The following NRXN3 variants were observed in gnomAD, a reference collection of about 807,000 sequenced individuals.
NRXN3 encodes the protein neurexin 3.
In NRXN3, 32 loss-of-function variants were observed where a neutral mutation model predicts 137.6. The observed-to-expected ratio is 0.23, with a 90% confidence interval of 0.18 to 0.31. The LOEUF (loss-of-function observed/expected upper bound fraction) is 0.31, where lower values mean the gene tolerates loss of function less well. Ranked by LOEUF, NRXN3 falls within the 10% of genes least tolerant of loss-of-function variation. The pLI, the probability that NRXN3 is intolerant of heterozygous loss-of-function variation, is 1.00. For missense variants in NRXN3, 1,574 were observed against 2,062.5 expected (o/e 0.76, Z 4.59); for synonymous variants, 798 against 784.5 (o/e 1.02, Z -0.29).
In NRXN3 at chr14:79,230,439, A is replaced by G. The variant is rs918332768; in HGVS notation, c.3263-236782A>G. Among the ~76,000 whole-genome samples the G allele has an allele frequency of 3.3e-5, 5 of 152,174 alleles. 1 individual carries two copies. Among genetic ancestry groups the G allele is most frequent in the African/African-American group, 9.6e-5 (4 of 41,454 alleles). ...ACTGAAGATTCCTCAAGAATGTTGA[A>G]GCAATAGTCATTATGTTTACTACAG... On this transcript the variant is annotated intron_variant, in intron 15 of 20. Transcript: ENST00000335750.
intron 8 of NRXN3, among the ~76,000 whole-genome samples, chr14:78,720,553 C>T (rs917850126): frequency 1.3e-5 from 2 of 152,076 alleles, no homozygotes; most frequent in Non-Finnish European, 2.9e-5. Context: ...TGTCCTTGGG[C>T]ATTTTCTTTT....
intron 10 of NRXN3, among the ~76,000 whole-genome samples, chr14:78,916,076 T>A (rs1398024409): frequency 6.6e-6 from 1 of 152,006 alleles, no homozygotes; most frequent in Non-Finnish European, 1.5e-5. Flanking sequence ...AGGTGTATCA[T>A]CTAGTACAGA....
chr14:78,912,056 G>A (rs1196166415), intron 10 of NRXN3, among the ~76,000 whole-genome samples: 1 of 151,638 alleles, frequency 6.6e-6, no homozygotes, highest in Admixed American at 6.6e-5. Context: ...ATCTCCTAAT[G>A]CTATCCCTCC....
At chr14:79,478,161 T>A (rs2096576219) in intron 16 of NRXN3, among the ~76,000 whole-genome samples, 1 of 148,192 alleles carries the variant, frequency 6.7e-6, no homozygotes, top group Middle Eastern at 3.3e-3. Context: ...ATATACATAT[T>A]TTTATATATT....
chr14:78,489,515 C>T (rs2095625594), intron 4 of NRXN3, among the ~76,000 whole-genome samples: 1 of 152,112 alleles, frequency 6.6e-6, no homozygotes, highest in Non-Finnish European at 1.5e-5. Flanking sequence ...TGATTCCTCT[C>T]TGTGGGCATA....
intron 15 of NRXN3, among the ~76,000 whole-genome samples, chr14:79,057,046 GTAA>G (rs2099666477): frequency 7.4e-6 from 1 of 135,126 alleles, no homozygotes; most frequent in African/African-American, 3.8e-5. Context: ...GAAGCTGTGA[GTAA>G]GACTGAAATT....
chr14:79,071,901 A>T (rs1383943293), intron 15 of NRXN3, among the ~76,000 whole-genome samples: 8 of 152,234 alleles, frequency 5.3e-5, no homozygotes, highest in Non-Finnish European at 1.0e-4. Flanking sequence ...TTACACATTT[A>T]TGCCCATATC....
intron 4 of NRXN3, among the ~76,000 whole-genome samples, chr14:78,494,841 G>A (rs970704858): frequency 5.3e-5 from 8 of 152,010 alleles, no homozygotes; most frequent in Admixed American, 4.6e-4. Context: ...ATGAAATAAC[G>A]GTCTGGAATA....
At chr14:78,533,332 C>T (rs569134951) in intron 4 of NRXN3, among the ~76,000 whole-genome samples, 5 of 151,952 alleles carry the variant, frequency 3.3e-5, no homozygotes, top group African/African-American at 9.7e-5. Flanking sequence ...GTGATCCGCC[C>T]GCCTCAGCCT....
At chr14:79,848,056 T>C (rs551270606) in intron 20 of NRXN3, among the ~76,000 whole-genome samples, 4 of 152,306 alleles carry the variant, frequency 2.6e-5, no homozygotes, top group African/African-American at 7.2e-5. Context: ...AGGTCTTCAG[T>C]GTGCCTTTGC....
chr14:79,731,984 A>T (rs2098925415), intron 19 of NRXN3, among the ~76,000 whole-genome samples: 1 of 151,476 alleles, frequency 6.6e-6, no homozygotes, highest in Non-Finnish European at 1.5e-5. Context: ...GAATCCTTTT[A>T]TTCCTCCCTC....
At chr14:78,868,720 C>G (rs996331779) in intron 10 of NRXN3, among the ~76,000 whole-genome samples, 3 of 151,938 alleles carry the variant, frequency 2.0e-5, no homozygotes, top group Admixed American at 1.3e-4. Flanking sequence ...ACTCAGGAGC[C>G]TAAGGCAGGA....
chr14:78,226,281 G>A (rs2064658721), intron 1 of NRXN3, among the ~76,000 whole-genome samples: 1 of 152,130 alleles, frequency 6.6e-6, no homozygotes, highest in African/African-American at 2.4e-5. Context: ...GGGATTACAG[G>A]CGTGAGCCAC....
At chr14:78,399,493 A>G (rs1220848238) in intron 4 of NRXN3, among the ~76,000 whole-genome samples, 3 of 152,206 alleles carry the variant, frequency 2.0e-5, no homozygotes, top group African/African-American at 7.2e-5. Flanking sequence ...GTTCCCAGGG[A>G]GCTGTCCAGG....
At chr14:78,287,058 T>G (rs2075257673) in intron 3 of NRXN3, among the ~76,000 whole-genome samples, 1 of 152,162 alleles carries the variant, frequency 6.6e-6, no homozygotes. Context: ...ATGAATGAGA[T>G]CCAGGCTCAC....
rs149258824 is a variant in NRXN3, at chr14:78,682,447, CTT to C, written c.1222-26768_1222-26767del. Among the ~76,000 whole-genome samples the C allele has an allele frequency of 9.4e-3, 1,419 of 151,706 alleles. 17 individuals carry two copies. Among genetic ancestry groups the C allele is most frequent in the African/African-American group, 0.032 (1,315 of 41,286 alleles). On this transcript the variant is annotated intron_variant, in intron 6 of 20. Coordinates refer to ENST00000335750, the MANE Select transcript of NRXN3 (RefSeq NM_001330195.2). Reference sequence around the variant, plus strand: ...AAGCCCCAAGGAACCAAGTACGACACTTTGACAGTCATTGGGCTTTTTGAGCC... The same window carrying C: ...AAGCCCCAAGGAACCAAGTACGACACTGACAGTCATTGGGCTTTTTGAGCC...
chr14:78,226,311 A>G (rs2064663868), intron 1 of NRXN3, among the ~76,000 whole-genome samples: 1 of 152,138 alleles, frequency 6.6e-6, no homozygotes. Context: ...CCCAAGTAGC[A>G]GGTATTTATT....
rs138378853 is a variant in NRXN3 at position 78,886,166 on chromosome 14, G to T, written c.2276-71076G>T. ...TGCACTAACTCAGTCCTGTGGAAAAGGAGCACAAATATTTGGTGGACAGTA... is the reference window on the plus strand; with the variant it reads ...TGCACTAACTCAGTCCTGTGGAAAATGAGCACAAATATTTGGTGGACAGTA... On this transcript the variant is annotated intron_variant, in intron 10 of 20. Transcript: ENST00000335750. Among the ~76,000 whole-genome samples the T allele has an allele frequency of 1.4e-3, 220 of 152,220 alleles. 1 individual carries two copies. The highest frequency in any genetic ancestry group is 5.2e-3 in the African/African-American group (216 of 41,562).
chr14:79,720,770 CAAAT>C (rs1305344367), intron 19 of NRXN3, among the ~76,000 whole-genome samples: 3 of 151,990 alleles, frequency 2.0e-5, no homozygotes, highest in Non-Finnish European at 4.4e-5. Flanking sequence ...ATGCTATAGA[CAAAT>C]AATTCTTCAG....
Sources: gnomAD v4.1 joint callset for allele counts (sites outside exome capture counted in the v4.1 genomes callset) on GRCh38, gnomAD v4.1.1 for gene constraint, MANE v1.5 for transcripts, NCBI Gene and HGNC (gene_info 2026-07-23, HGNC 2026-07-21) for gene names.